ESRP1: variants seen among roughly 807,000 people sequenced by gnomAD.
ESRP1 encodes RNA-binding motif protein 35A.
A neutral mutation model predicts 81.7 loss-of-function variants in ESRP1; 33 were observed. The observed-to-expected ratio is 0.40, with a 90% CI of 0.31 to 0.54. The LOEUF (loss-of-function observed/expected upper bound fraction) is 0.54, where lower values mean the gene tolerates loss of function less well. ESRP1 is among the 20% of genes least tolerant of loss of function. ESRP1 has a pLI of 0.41. For missense variants in ESRP1, 672 were observed against 833.1 expected (o/e 0.81, Z 2.38); for synonymous variants, 320 against 303.3 (o/e 1.06, Z -0.57).
chr8:94,669,003 C>T (rs1038901654), intron 10 of ESRP1, among the ~76,000 whole-genome samples: 53 of 152,092 alleles, frequency 3.5e-4, no homozygotes, highest in African/African-American at 1.2e-3. Flanking sequence ...GCAGGCTGTT[C>T]TCGAACTCCT....
At chr8:94,642,495 T>A (rs1365201) in intron 2 of ESRP1, among the ~76,000 whole-genome samples, 1 of 152,124 alleles carries the variant, frequency 6.6e-6, no homozygotes, top group East Asian at 1.9e-4. Flanking sequence ...GACGTGCAGG[T>A]GGGCCCGGCG....
At position 94,682,649 on chromosome 8, in the gene ESRP1, G is replaced by A. The variant is rs1388021930; in HGVS notation, c.1820+4278G>A. 1.3e-4 allele frequency among the ~76,000 whole-genome samples: 10 copies of A among 74,802 alleles called. No individual in the cohort carries two copies. The Admixed American group carries it at 1.4e-3, about 11-fold the overall frequency. 49.1% of individuals were successfully genotyped at this position (74,802 alleles called of 152,430 possible). ...CCCAATGTGCTGGGATTACAGGTGT[G>A]AGCCACCATGCCCAGCCAAGTAACA... On this transcript the variant is annotated intron_variant, in intron 13 of 15. Transcript: ENST00000433389.
intron 2 of ESRP1, among the ~76,000 whole-genome samples, 163 bp downstream of exon 2, chr8:94,642,247 G>A (rs1205102672): frequency 6.6e-6 from 1 of 152,258 alleles, no homozygotes; most frequent in Non-Finnish European, 1.5e-5. Context: ...GCACCGTTTG[G>A]GCGGGGGTCG....
chr8:94,641,815 C>T (rs62523409), intron 1 of ESRP1, 141 bp from the exon 2 acceptor site: 492,506 of 1,346,324 alleles, frequency 0.37, 95,459 homozygotes, highest in East Asian at 0.59. Context: ...GCACCGGAAC[C>T]GATGGCGAGT....
chr8:94,694,540 G>A (rs1809522843), intron 14 of ESRP1, among the ~76,000 whole-genome samples: 1 of 152,192 alleles, frequency 6.6e-6, no homozygotes, highest in Non-Finnish European at 1.5e-5. Context: ...GGAGGCTGAG[G>A]TTACAGTGAG....
At chr8:94,688,500 C>A in intron 13 of ESRP1, 1 of 223,360 alleles carries the variant, frequency 4.5e-6, no homozygotes, top group Non-Finnish European at 9.2e-6. Flanking sequence ...GAATTATCTG[C>A]TTCCACGTCA....
In ESRP1 at chr8:94,674,453, T is replaced by TG; in HGVS notation, c.1604dup (p.Thr536HisfsTer13). Reference sequence around the variant, plus strand: ...GCTGAGGAGATGAACTTTGTGTTAATGGGGGGCACTTTAAATCGAAATGGC... The same window carrying TG: ...GCTGAGGAGATGAACTTTGTGTTAATGGGGGGGCACTTTAAATCGAAATGGC... On this transcript the variant is annotated frameshift_variant, in exon 12 of 16. Coordinates refer to ENST00000433389, the MANE Select transcript of ESRP1 (RefSeq NM_017697.4). LOFTEE classifies it high-confidence loss of function. 1 of 1,613,904 alleles carries TG rather than the reference T, an allele frequency of 6.2e-7. No homozygotes were observed. Among genetic ancestry groups the TG allele is most frequent in the Non-Finnish European group, 8.5e-7 (1 of 1,179,862 alleles).
In ESRP1 at chr8:94,650,732, A is replaced by T. The variant is rs560017682; in HGVS notation, c.490+4450A>T. Among the ~76,000 whole-genome samples the T allele has an allele frequency of 2.7e-5, 4 of 149,886 alleles. No homozygotes were observed. The South Asian group carries it at 8.4e-4, about 31-fold the overall frequency. On this transcript the variant is annotated intron_variant, in intron 4 of 15. Transcript: ENST00000433389. The stretch of plus-strand genomic sequence containing the variant: ...TTTAAATCATTTTTATTTTTTTTTG[A>T]GACGGAGTCTTGCTGTATTGCCCAG...
intron 13 of ESRP1, among the ~76,000 whole-genome samples, chr8:94,686,175 C>T (rs534580138): frequency 4.6e-5 from 7 of 152,268 alleles, no homozygotes; most frequent in South Asian, 2.1e-4. Context: ...GTGATCCACC[C>T]GCCTCGGCCT....
intron 13 of ESRP1, among the ~76,000 whole-genome samples, chr8:94,682,856 A>ATG (rs1436889922): frequency 2.3e-5 from 3 of 131,038 alleles, no homozygotes; most frequent in East Asian, 2.3e-4. Flanking sequence ...GAATATATAT[A>ATG]TGTGTGTATA....
intron 4 of ESRP1, among the ~76,000 whole-genome samples, chr8:94,653,698 G>A (rs777786174): frequency 6.6e-6 from 1 of 152,190 alleles, no homozygotes; most frequent in Non-Finnish European, 1.5e-5. Flanking sequence ...TATTCTAACA[G>A]TGAAATGAGC....
intron 14 of ESRP1, among the ~76,000 whole-genome samples, chr8:94,694,182 G>T (rs142220730): frequency 0.01 from 1,570 of 152,230 alleles, 27 homozygotes; most frequent in African/African-American, 0.034. Flanking sequence ...GAAAGTTTCA[G>T]GTTTTAGTAC....
chr8:94,670,980 T>C (rs1390917249), intron 10 of ESRP1, among the ~76,000 whole-genome samples: 1 of 152,212 alleles, frequency 6.6e-6, no homozygotes, highest in Non-Finnish European at 1.5e-5. Flanking sequence ...TCTATTTCTT[T>C]GGTTTGGAGG....
At chr8:94,664,219 G>A (rs1389791271) in intron 6 of ESRP1, among the ~76,000 whole-genome samples, 1 of 148,362 alleles carries the variant, frequency 6.7e-6, no homozygotes, top group Non-Finnish European at 1.5e-5. Context: ...CACCTCCCAG[G>A]TTCAAGTGAT....
At chr8:94,673,268 T>G (rs1196493189) in intron 11 of ESRP1, among the ~76,000 whole-genome samples, 5 of 152,232 alleles carry the variant, frequency 3.3e-5, no homozygotes, top group Non-Finnish European at 7.3e-5. Flanking sequence ...AGGCCATTAC[T>G]CTTTGATTAA....
At chr8:94,683,180 G>A (rs1713687325) in intron 13 of ESRP1, among the ~76,000 whole-genome samples, 1 of 151,630 alleles carries the variant, frequency 6.6e-6, no homozygotes, top group African/African-American at 2.4e-5. Context: ...CAGACCTCAA[G>A]TGATCCGCCC....
intron 4 of ESRP1, 85 bp from the exon 5 acceptor site, chr8:94,662,187 C>A: frequency 1.3e-6 from 1 of 794,362 alleles, no homozygotes; most frequent in Non-Finnish European, 2.0e-6. Context: ...CATCTTCTTC[C>A]TCTTGGCTTG....
At chr8:94,697,650 G>A (rs1809657145) in intron 15 of ESRP1, among the ~76,000 whole-genome samples, 1 of 152,232 alleles carries the variant, frequency 6.6e-6, no homozygotes, top group African/African-American at 2.4e-5. Flanking sequence ...TGGTGCTGAT[G>A]TGAGCACTCA....
Position 94,671,670 on chromosome 8 carries a change from A to T in ESRP1, c.1451A>T (p.Gln484Leu). 6.2e-7 allele frequency: 1 copy of T among 1,612,776 alleles called. No individual in the cohort carries two copies. Among genetic ancestry groups the T allele is most frequent in the Non-Finnish European group, 8.5e-7 (1 of 1,179,154 alleles). ...GGGGTTCACATGGTTTTGAATCACC[A>T]GGTAAGAAAGATACTTAGTGGAAAA... is the stretch of plus-strand genomic sequence containing the variant. ...THGVHMVLNHQGRPSGDAFIQ... is the reference protein window; with the variant it reads ...THGVHMVLNHLGRPSGDAFIQ... Residue 484 changes from glutamine (Q) to leucine (L), a missense_variant and splice_region_variant, in exon 11 of 16, where the codon CAG (glutamine) becomes CTG (leucine). Physicochemically the swap from Gln to Leu is moderately radical, Grantham distance 113. Coordinates refer to ENST00000433389, the MANE Select transcript of ESRP1 (RefSeq NM_017697.4).
Sources: allele counts gnomAD v4.1 joint callset (sites outside exome capture counted in the v4.1 genomes callset), GRCh38; gene constraint gnomAD v4.1.1; transcripts MANE v1.5; gene names NCBI Gene and HGNC (gene_info 2026-07-23, HGNC 2026-07-21).